EPHA6: variants seen among roughly 807,000 people sequenced by gnomAD.
EPHA6 encodes the protein EPH receptor A6, also known as ephrin type-A receptor 6.
EPHA6 carries 50 observed loss-of-function variants against 112.0 expected under a neutral mutation model. The ratio of observed to expected loss-of-function variants is 0.45; its 90% CI spans 0.36 to 0.56. The LOEUF is 0.56. Among genes scored for constraint, EPHA6 ranks in the 20% least tolerant of loss-of-function variants. The pLI is 0.00. For synonymous variants in EPHA6, 529 were observed against 490.7 expected (o/e 1.08, Z -1.03); for missense variants, 1,280 against 1,417.4 (o/e 0.90, Z 1.56).
At chr3:97,035,952 A>C (rs2108035334) in intron 3 of EPHA6, among the ~76,000 whole-genome samples, 1 of 152,092 alleles carries the variant, frequency 6.6e-6, no homozygotes, top group South Asian at 2.1e-4. Context: ...TCATGAAGAA[A>C]TGAACTCTCA....
At chr3:97,000,287 A>ACACACACATATATATAGC (rs138184966) in intron 3 of EPHA6, among the ~76,000 whole-genome samples, 27,386 of 146,648 alleles carry the variant, frequency 0.19, 2,660 homozygotes, top group Non-Finnish European at 0.2. Flanking sequence ...ACACACACAC[A>ACACACACATATATATAGC]CACACATATA....
chr3:97,759,328 C>T lies in EPHA6; in HGVS notation c.*10627C>T, dbSNP rs529381490. ...AAATCCCAACTGACATGGATTAAGG[C>T]GAGATGTAAAGGAAGGAGGTGAAAT... is the stretch of plus-strand genomic sequence containing the variant. On this transcript the variant is annotated 3_prime_UTR_variant, in exon 18 of 18. Coordinates refer to ENST00000389672, the MANE Select transcript of EPHA6 (RefSeq NM_001080448.3). Among the ~76,000 whole-genome samples the T allele has an allele frequency of 9.0e-4, 137 of 151,780 alleles. No homozygotes were observed. The highest frequency in any genetic ancestry group is 3.1e-3 in the African/African-American group (127 of 41,434).
rs550835326 is a variant in EPHA6 at position 97,014,715 on chromosome 3, C to T, written c.1114+26722C>T. ...AAACATTGAAGAGTCCAGCATTGCACGTGGAATGTTTCTTTAAATGAATAT... is the reference window on the plus strand; with the variant it reads ...AAACATTGAAGAGTCCAGCATTGCATGTGGAATGTTTCTTTAAATGAATAT... On this transcript the variant is annotated intron_variant, in intron 3 of 17. Transcript: ENST00000389672. Among the ~76,000 whole-genome samples, 9 of 152,172 alleles carry T rather than the reference C, an allele frequency of 5.9e-5. No individual in the cohort carries two copies. The South Asian group carries it at 1.9e-3, about 32-fold the overall frequency.
At chr3:97,221,791 G>A (rs1392391971) in intron 3 of EPHA6, among the ~76,000 whole-genome samples, 1 of 152,090 alleles carries the variant, frequency 6.6e-6, no homozygotes, top group East Asian at 1.9e-4. Context: ...CAGCACTTTG[G>A]GAGGCCGACG....
At chr3:97,448,430 A>G in intron 6 of EPHA6, 138 bp from the exon 7 acceptor site, 1 of 883,324 alleles carries the variant, frequency 1.1e-6, no homozygotes, top group Non-Finnish European at 1.7e-6. Context: ...CAAATTATGG[A>G]AAACCATGCT....
At chr3:97,284,787 C>A (rs1231740067) in intron 5 of EPHA6, among the ~76,000 whole-genome samples, 1 of 152,032 alleles carries the variant, frequency 6.6e-6, no homozygotes, top group Non-Finnish European at 1.5e-5. Context: ...GATTCTCCTC[C>A]CAATTAATAC....
chr3:97,230,874 T>C (rs1335998341), intron 4 of EPHA6, among the ~76,000 whole-genome samples: 4 of 152,156 alleles, frequency 2.6e-5, no homozygotes, highest in African/African-American at 9.7e-5. Context: ...CAGTGCCTTC[T>C]TCATGGATAA....
At chr3:97,204,362 ACTAGGGC>A (rs2077660112) in intron 3 of EPHA6, among the ~76,000 whole-genome samples, 1 of 152,124 alleles carries the variant, frequency 6.6e-6, no homozygotes, top group Non-Finnish European at 1.5e-5. Flanking sequence ...CTTACCATGT[ACTAGGGC>A]CTAAGCACTT....
At chr3:97,023,974 A>G (rs2044551126) in intron 3 of EPHA6, among the ~76,000 whole-genome samples, 1 of 152,136 alleles carries the variant, frequency 6.6e-6, no homozygotes, top group Admixed American at 6.6e-5. Context: ...CAGAATTCAC[A>G]ATCTCCGTTT....
chr3:96,892,997 T>C (rs960777540), intron 2 of EPHA6, among the ~76,000 whole-genome samples: 15 of 151,522 alleles, frequency 9.9e-5, no homozygotes, highest in East Asian at 3.9e-4. Context: ...TGTGTGTGTG[T>C]GCGCGCGCAA....
rs192095696 is a variant in EPHA6 at position 97,398,817 on chromosome 3, T to A, written c.1607-6333T>A. On this transcript the variant is annotated intron_variant, in intron 5 of 17. Coordinates refer to ENST00000389672, the MANE Select transcript of EPHA6 (RefSeq NM_001080448.3). Reference sequence around the variant, plus strand: ...TAATATTTTTGCCTCATGAATTCTTTTTTTAGTTTTAATTGATGCATAAAA... The same window carrying A: ...TAATATTTTTGCCTCATGAATTCTTATTTTAGTTTTAATTGATGCATAAAA... Among the ~76,000 whole-genome samples the A allele has an allele frequency of 2.8e-3, 420 of 151,602 alleles. 4 individuals carry two copies. The highest frequency in any genetic ancestry group is 3.4e-3 in the Non-Finnish European group (231 of 67,546).
At chr3:97,355,610 A>G (rs972980208) in intron 5 of EPHA6, among the ~76,000 whole-genome samples, 1 of 152,306 alleles carries the variant, frequency 6.6e-6, no homozygotes, top group South Asian at 2.1e-4. Flanking sequence ...GAAGGAAAGG[A>G]AAAGGGAAGA....
At chr3:97,200,982 AG>A (rs1318471559) in intron 3 of EPHA6, among the ~76,000 whole-genome samples, 2 of 152,178 alleles carry the variant, frequency 1.3e-5, no homozygotes, top group African/African-American at 4.8e-5. Context: ...AAAAAGCCTA[AG>A]GTACTTTGGC....
Position 97,392,868 on chromosome 3 carries a change from G to C in EPHA6, c.1607-12282G>C, listed in dbSNP as rs922784522. On this transcript the variant is annotated intron_variant, in intron 5 of 17. Transcript: ENST00000389672. Reference sequence around the variant, plus strand: ...TGGAACATGTTGCAAACTTTTTGTTGAGGAAATCAGAAATCAGCTGACGCC... The same window carrying C: ...TGGAACATGTTGCAAACTTTTTGTTCAGGAAATCAGAAATCAGCTGACGCC... 2.6e-5 allele frequency among the ~76,000 whole-genome samples: 4 copies of C among 151,180 alleles called. 1 individual carries two copies. Among genetic ancestry groups the C allele is most frequent in the Admixed American group, 6.6e-5 (1 of 15,112 alleles).
rs2035973618 is a variant in EPHA6 at position 97,754,332 on chromosome 3, C to T, written c.*5631C>T. On this transcript the variant is annotated 3_prime_UTR_variant, in exon 18 of 18. Coordinates refer to ENST00000389672, the MANE Select transcript of EPHA6 (RefSeq NM_001080448.3). ...CGAACTCCCGACCTCAGGTGATCTG[C>T]CCGCCTCAGCCTCCCAAAGTGCTGG... is the stretch of plus-strand genomic sequence containing the variant. Among the ~76,000 whole-genome samples, 1 of 152,170 alleles carries T rather than the reference C, an allele frequency of 6.6e-6. No individual in the cohort carries two copies. Among genetic ancestry groups the T allele is most frequent in the South Asian group, 2.1e-4 (1 of 4,834 alleles).
intron 16 of EPHA6, 21 bp downstream of exon 16, chr3:97,736,139 T>C: frequency 6.3e-7 from 1 of 1,580,906 alleles, no homozygotes; most frequent in East Asian, 2.3e-5. Flanking sequence ...TAATGTTGAG[T>C]TTTTTTCTTC....
intron 10 of EPHA6, among the ~76,000 whole-genome samples, chr3:97,487,840 G>A (rs2091734411): frequency 6.6e-6 from 1 of 151,990 alleles, no homozygotes; most frequent in South Asian, 2.1e-4. Context: ...TGGCTTTTTT[G>A]CACTATAAAA....
At chr3:97,680,209 C>T (rs2031749540) in intron 14 of EPHA6, among the ~76,000 whole-genome samples, 1 of 152,170 alleles carries the variant, frequency 6.6e-6, no homozygotes, top group Non-Finnish European at 1.5e-5. Flanking sequence ...GGAGCCACAG[C>T]ATGTGTGCTC....
chr3:97,182,059 A>C (rs929663698), intron 3 of EPHA6, among the ~76,000 whole-genome samples: 1 of 152,130 alleles, frequency 6.6e-6, no homozygotes, highest in African/African-American at 2.4e-5. Context: ...TCTGGTGGCC[A>C]TACCCCAGAG....
Sources: gnomAD v4.1 joint callset for allele counts (sites outside exome capture counted in the v4.1 genomes callset) on GRCh38, gnomAD v4.1.1 for gene constraint, MANE v1.5 for transcripts, NCBI Gene and HGNC (gene_info 2026-07-23, HGNC 2026-07-21) for gene names.